The following RBMS3 variants were observed in gnomAD, a reference collection of about 807,000 sequenced individuals.
RBMS3 encodes the protein RNA-binding motif, single-stranded-interacting protein 3.
Under a neutral mutation model 66.8 loss-of-function variants are expected in RBMS3, and 27 were observed. The observed-to-expected ratio is 0.40, with a 90% CI of 0.30 to 0.56. The LOEUF is 0.56. Among genes scored for constraint, RBMS3 ranks in the 20% least tolerant of loss-of-function variants. The pLI is 0.40. For synonymous variants in RBMS3, 188 were observed against 183.0 expected (o/e 1.03, Z -0.22); for missense variants, 513 against 549.5 (o/e 0.93, Z 0.66).
intron 14 of RBMS3, among the ~76,000 whole-genome samples, chr3:30,000,275 C>G (rs565891443): frequency 3.4e-4 from 52 of 152,024 alleles, no homozygotes; most frequent in African/African-American, 1.2e-3. Context: ...ATGCAGCCAA[C>G]AAACATGAAA....
intron 14 of RBMS3, among the ~76,000 whole-genome samples, chr3:29,993,182 ATTG>A (rs1305415354): frequency 6.7e-6 from 1 of 149,130 alleles, no homozygotes; most frequent in African/African-American, 2.6e-5. Context: ...TTCAGAAAAG[ATTG>A]TTACTGAGTA....
At chr3:29,903,893 T>G (rs1400821225) in intron 10 of RBMS3, among the ~76,000 whole-genome samples, 1 of 151,974 alleles carries the variant, frequency 6.6e-6, no homozygotes, top group Admixed American at 6.6e-5. Flanking sequence ...TCGTTATGAT[T>G]AATGAACCCT....
intron 4 of RBMS3, among the ~76,000 whole-genome samples, chr3:29,646,136 A>G (rs2049910855): frequency 6.6e-6 from 1 of 152,242 alleles, no homozygotes; most frequent in African/African-American, 2.4e-5. Context: ...TTCACATTAA[A>G]TACAAATTCA....
chr3:29,991,866 T>C (rs1401356376), intron 14 of RBMS3, among the ~76,000 whole-genome samples: 2 of 152,122 alleles, frequency 1.3e-5, no homozygotes, highest in Non-Finnish European at 2.9e-5. Flanking sequence ...AAAAGGGTAT[T>C]GTAAGATATG....
chr3:29,445,086 TA>T (rs1559367209), intron 2 of RBMS3, among the ~76,000 whole-genome samples: 1 of 151,966 alleles, frequency 6.6e-6, no homozygotes, highest in African/African-American at 2.4e-5. Context: ...TCCAGATTTT[TA>T]AGTGGTAACT....
Position 29,468,954 on chromosome 3 carries a change from AGAT to A in RBMS3, c.249-19485_249-19483del, listed in dbSNP as rs550922264. 5.5e-4 allele frequency among the ~76,000 whole-genome samples: 83 copies of A among 152,270 alleles called. 1 individual carries two copies. The highest frequency in any genetic ancestry group is 9.9e-4 in the Non-Finnish European group (67 of 67,990). On this transcript the variant is annotated intron_variant, in intron 2 of 14. Transcript: ENST00000383767. ...ATAACCAAACACACACACAAACTCA[AGAT>A]GTTCCTCCAAAAGCATGGTGAATTA...
At chr3:29,346,940 C>A (rs1459603142) in intron 1 of RBMS3, among the ~76,000 whole-genome samples, 1 of 152,120 alleles carries the variant, frequency 6.6e-6, no homozygotes, top group East Asian at 1.9e-4. Flanking sequence ...TGGCTATTGA[C>A]CATATGTTTC....
intron 8 of RBMS3, among the ~76,000 whole-genome samples, chr3:29,887,254 G>T (rs967134739): frequency 2.0e-5 from 3 of 151,750 alleles, no homozygotes. Flanking sequence ...GAAAGACAAG[G>T]AAATAAAGTG....
At chr3:29,607,596 G>A (rs1486426348) in intron 4 of RBMS3, among the ~76,000 whole-genome samples, 2 of 151,936 alleles carry the variant, frequency 1.3e-5, no homozygotes, top group South Asian at 2.1e-4. Context: ...TCAGACCATA[G>A]CAGCTGTACA....
chr3:29,456,945 T>C (rs1187182893), intron 2 of RBMS3, among the ~76,000 whole-genome samples: 1 of 152,200 alleles, frequency 6.6e-6, no homozygotes, highest in Admixed American at 6.5e-5. Flanking sequence ...TGAGAAGATA[T>C]GGATAGGATC....
intron 1 of RBMS3, among the ~76,000 whole-genome samples, chr3:29,379,755 A>G (rs914413862): frequency 2.0e-5 from 3 of 152,328 alleles, no homozygotes; most frequent in South Asian, 2.1e-4. Context: ...TAAATATACT[A>G]TATACCAGGT....
intron 8 of RBMS3, among the ~76,000 whole-genome samples, chr3:29,896,479 T>A (rs1010825748): frequency 3.3e-5 from 5 of 151,624 alleles, no homozygotes; most frequent in African/African-American, 1.2e-4. Context: ...ATCGCTGACA[T>A]ACTCCATCTC....
chr3:29,382,891 T>A (rs1227831580), intron 1 of RBMS3, among the ~76,000 whole-genome samples: 2 of 152,152 alleles, frequency 1.3e-5, no homozygotes, highest in Admixed American at 6.5e-5. Context: ...AACATCTGGG[T>A]TGATTAATGA....
intron 13 of RBMS3, among the ~76,000 whole-genome samples, chr3:29,989,944 C>A (rs1315300162): frequency 6.6e-6 from 1 of 152,070 alleles, no homozygotes; most frequent in African/African-American, 2.4e-5. Context: ...AAAATTTGAC[C>A]ATTTTGATGA....
At position 29,772,605 on chromosome 3, in the gene RBMS3, A is replaced by T. The variant is rs558170098; in HGVS notation, c.637+9616A>T. ...TTGGGCTCACCTCCGAATGCAGCAT[A>T]GACAAGTGGAAATTTACAGCCGAGG... On this transcript the variant is annotated intron_variant, in intron 6 of 14. Transcript: ENST00000383767. Among the ~76,000 whole-genome samples the T allele has an allele frequency of 2.0e-5, 3 of 152,094 alleles. No homozygotes were observed. The South Asian group carries it at 6.2e-4, about 32-fold the overall frequency.
chr3:29,765,699 T>C (rs1244301526), intron 6 of RBMS3: 2 of 151,986 alleles, frequency 1.3e-5, no homozygotes, highest in African/African-American at 4.8e-5. Flanking sequence ...TGTGGAAAGA[T>C]TGAATATGAT....
chr3:29,379,264 T>G (rs1265213910), intron 1 of RBMS3, among the ~76,000 whole-genome samples: 1 of 152,318 alleles, frequency 6.6e-6, no homozygotes, highest in South Asian at 2.1e-4. Context: ...CACCTAAGAG[T>G]TCTGATATGT....
chr3:29,800,953 C>A (rs1040228859), intron 6 of RBMS3, among the ~76,000 whole-genome samples: 1 of 151,896 alleles, frequency 6.6e-6, no homozygotes, highest in Admixed American at 6.6e-5. Context: ...CCCACCTGTT[C>A]CCTTCCCTCA....
rs796887804 is a variant in RBMS3, at chr3:29,902,916, C to T, written c.939+3161C>T. Among the ~76,000 whole-genome samples the T allele has an allele frequency of 5.9e-5, 9 of 151,894 alleles. 1 individual carries two copies. The highest frequency in any genetic ancestry group is 3.4e-3 in the Middle Eastern group (1 of 294). On this transcript the variant is annotated intron_variant, in intron 10 of 14. Transcript: ENST00000383767. ...GCTTCCGTAAAGTTCTAAAGTAGAGCGCAATGACCTTGATCTCTTTGCTAA... is the reference window on the plus strand; with the variant it reads ...GCTTCCGTAAAGTTCTAAAGTAGAGTGCAATGACCTTGATCTCTTTGCTAA...
Sources: allele counts gnomAD v4.1 joint callset (sites outside exome capture counted in the v4.1 genomes callset), GRCh38; gene constraint gnomAD v4.1.1; transcripts MANE v1.5; gene names NCBI Gene and HGNC (gene_info 2026-07-23, HGNC 2026-07-21).